H2BC18: variants seen among roughly 807,000 people sequenced by gnomAD.
H2BC18 encodes the protein histone H2B type 2-F.
In H2BC18, 8 loss-of-function variants were observed where a neutral mutation model predicts 6.3. That is an observed-to-expected ratio of 1.28 (90% CI 0.75 to 2.31). H2BC18 has a LOEUF of 2.31. H2BC18 is among the 30% of genes most tolerant of loss of function. The pLI is 0.00. For synonymous variants in H2BC18, 104 were observed against 78.1 expected (o/e 1.33, Z -1.75); for missense variants, 106 against 174.5 (o/e 0.61, Z 2.21).
chr1:149,786,224 G>T (rs686731), intron 1 of H2BC18: 1 of 151,926 alleles, frequency 6.6e-6, no homozygotes, highest in Admixed American at 6.5e-5. Context: ...CATTTTTCAC[G>T]TTTATTACCT....
rs2486193 is a variant in H2BC18, at chr1:149,797,480, G to A, written c.378-14220C>T. Among the ~76,000 whole-genome samples the A allele has an allele frequency of 3.3e-5, 5 of 152,106 alleles. No homozygotes were observed. In the East Asian group the frequency reaches 5.8e-4, roughly 18 times the overall value. On this transcript the variant is annotated intron_variant, in intron 1 of 1. Coordinates refer to the H2BC18 transcript ENST00000545683. ...TCTTAATTTTCTTTTCAGGGAACAC[G>A]GTGTTTGGTTTTATAAATTCCATTT...
downstream of H2BC18, among the ~76,000 whole-genome samples, chr1:149,808,691 A>C (rs587595019): frequency 1.6e-3 from 249 of 152,322 alleles, no homozygotes; most frequent in South Asian, 2.5e-3. Context: ...TCATGTTGAC[A>C]TTGTGGGGCC....
At chr1:149,789,261 C>A (rs1192741358) in intron 1 of H2BC18, among the ~76,000 whole-genome samples, 1 of 151,954 alleles carries the variant, frequency 6.6e-6, no homozygotes, top group South Asian at 2.1e-4. Context: ...TGAAATGTGG[C>A]GGGCACCTGT....
chr1:149,812,097 C>G lies in H2BC18; in HGVS notation c.227G>C (p.Gly76Ala). 6.2e-7 allele frequency: 1 copy of G among 1,614,248 alleles called. No individual in the cohort carries two copies. Among genetic ancestry groups the G allele is most frequent in the Non-Finnish European group, 8.5e-7 (1 of 1,180,050 alleles). Reference protein sequence around the residue: ...FVNDIFERIAGEASRLAHYNK... With the variant: ...FVNDIFERIAAEASRLAHYNK... ...GTAGTGCGCCAGGCGGGACGCCTCT[C>G]CCGCGATGCGCTCGAAGATGTCGTT... The change falls in exon 1 of 1, where the codon GGA (glycine) becomes GCA (alanine). Residue 76 changes from glycine (G) to alanine (A), a missense_variant. Physicochemically the swap from Gly to Ala is moderately conservative, Grantham distance 60. Transcript: ENST00000369167.
chr1:149,793,651 G>C (rs2091765684), intron 1 of H2BC18, among the ~76,000 whole-genome samples: 1 of 151,750 alleles, frequency 6.6e-6, no homozygotes, highest in African/African-American at 2.4e-5. Context: ...GAGCTTCCAA[G>C]CCAAAGCACA....
chr1:149,797,279 T>G (rs1377717155), intron 1 of H2BC18, among the ~76,000 whole-genome samples: 2 of 152,238 alleles, frequency 1.3e-5, no homozygotes, highest in Non-Finnish European at 2.9e-5. Flanking sequence ...TTAATTCTGT[T>G]AATTCTTTAT....
intron 1 of H2BC18, chr1:149,791,618 T>C (rs2091715381): frequency 1.3e-6 from 2 of 1,527,398 alleles, no homozygotes; most frequent in Non-Finnish European, 1.8e-6. Flanking sequence ...ACACCAGAAC[T>C]GTGTGTCTCA....
chr1:149,802,635 G>A lies in H2BC18; in HGVS notation c.377+9312C>T, dbSNP rs782237371. ...ACAAGGCAAAGTCCTACAGTGGGCCGTCTGCAAGCTGAGGAAGAAAGAAGC... is the reference window on the plus strand; with the variant it reads ...ACAAGGCAAAGTCCTACAGTGGGCCATCTGCAAGCTGAGGAAGAAAGAAGC... On this transcript the variant is annotated intron_variant, in intron 1 of 1. Coordinates refer to the H2BC18 transcript ENST00000545683. 3.9e-4 allele frequency among the ~76,000 whole-genome samples: 59 copies of A among 152,318 alleles called. No homozygotes were observed. The Middle Eastern group carries it at 0.017, about 44-fold the overall frequency.
downstream of H2BC18, among the ~76,000 whole-genome samples, chr1:149,809,053 C>T (rs1458807661): frequency 1.4e-5 from 2 of 139,566 alleles, no homozygotes; most frequent in Non-Finnish European, 3.1e-5. Context: ...CATACTCCAA[C>T]TCATTCACCA....
rs2091862783 is a variant in H2BC18, at chr1:149,800,977, T to G, written c.377+10970A>C. On this transcript the variant is annotated intron_variant, in intron 1 of 1. Coordinates refer to the H2BC18 transcript ENST00000545683. ...GGTACATGCCTGTGGTCCCAACTAC[T>G]AGGGAGGCTGAGGTGGGAGGAGAGC... 2.0e-5 allele frequency among the ~76,000 whole-genome samples: 3 copies of G among 152,254 alleles called. 1 individual carries two copies. The highest frequency in any genetic ancestry group is 4.8e-5 in the African/African-American group (2 of 41,552).
chr1:149,808,488 A>T (rs2091943487), downstream of H2BC18, among the ~76,000 whole-genome samples: 1 of 152,146 alleles, frequency 6.6e-6, no homozygotes. Flanking sequence ...TCTCTTTTAG[A>T]TTCATTTACA....
rs587618372 is a variant in H2BC18 at position 149,812,090 on chromosome 1, C to A, written c.234G>T (p.Ala78=). 129 of 1,614,228 alleles carry A rather than the reference C, an allele frequency of 8.0e-5. No homozygotes were observed. The highest frequency in any genetic ancestry group is 1.1e-4 in the East Asian group (5 of 44,878). The stretch of plus-strand genomic sequence containing the variant: ...GCTTGTTGTAGTGCGCCAGGCGGGA[C>A]GCCTCTCCCGCGATGCGCTCGAAGA... ...NDIFERIAGE[A]SRLAHYNKRS... The change falls in exon 1 of 1, where the codon GCG becomes GCT. Residue 78 remains alanine, a synonymous_variant. Coordinates refer to ENST00000369167, the MANE Select transcript of H2BC18 (RefSeq NM_001024599.5).
At chr1:149,793,185 C>T in intron 1 of H2BC18, 1 of 1,278,360 alleles carries the variant, frequency 7.8e-7, no homozygotes, top group Non-Finnish European at 1.0e-6. Flanking sequence ...GAGGACGGCG[C>T]TGGGCTCCCA....
chr1:149,805,076 C>T (rs1252822583), intron 1 of H2BC18, among the ~76,000 whole-genome samples: 4 of 152,360 alleles, frequency 2.6e-5, no homozygotes, highest in Non-Finnish European at 5.9e-5. Flanking sequence ...ATTCTTTTTA[C>T]CACCTCTTCT....
At chr1:149,801,737 G>C (rs2091873876) in intron 1 of H2BC18, among the ~76,000 whole-genome samples, 3 of 151,290 alleles carry the variant, frequency 2.0e-5, no homozygotes, top group African/African-American at 7.3e-5. Flanking sequence ...TCTCTGTGCT[G>C]TAAGGGGCCA....
chr1:149,793,039 C>G, intron 1 of H2BC18: 6 of 1,261,448 alleles, frequency 4.8e-6, no homozygotes, highest in Non-Finnish European at 6.1e-6. Flanking sequence ...CGCCAGCTCC[C>G]GGGCCCCGGC....
At chr1:149,811,807 T>C (rs1168751148), downstream of H2BC18, 1 of 733,280 alleles carries the variant, frequency 1.4e-6, no homozygotes. Flanking sequence ...TCCGTGACCA[T>C]GGTAACACTC....
downstream of H2BC18, among the ~76,000 whole-genome samples, chr1:149,807,511 C>CGGGGGGG (rs1163656295): frequency 1.3e-4 from 1 of 7,916 alleles, no homozygotes; most frequent in African/African-American, 1.1e-3. Context: ...AAAGGCATGG[C>CGGGGGGG]GGGGGGGGGG....
chr1:149,787,523 T>A (rs1266919208), intron 1 of H2BC18: 1 of 152,442 alleles, frequency 6.6e-6, no homozygotes, highest in African/African-American at 2.4e-5. Context: ...TGCCCTTCTG[T>A]GTGTTTGTCT....
Sources: gnomAD v4.1 joint callset for allele counts (sites outside exome capture counted in the v4.1 genomes callset) on GRCh38, gnomAD v4.1.1 for gene constraint, MANE v1.5 for transcripts, NCBI Gene and HGNC (gene_info 2026-07-23, HGNC 2026-07-21) for gene names.